Variants in LRP1 observed in about 807,000 individuals in gnomAD.
LRP1 encodes prolow-density lipoprotein receptor-related protein 1.
A neutral mutation model predicts 541.5 loss-of-function variants in LRP1; 51 were observed. The observed-to-expected ratio is 0.09, with a 90% confidence interval of 0.08 to 0.12. The LOEUF (loss-of-function observed/expected upper bound fraction) is 0.12, where lower values mean the gene tolerates loss of function less well. Ranked by LOEUF, LRP1 falls within the 10% of genes least tolerant of loss-of-function variation. The pLI is 1.00. For synonymous variants in LRP1, 2,219 were observed against 2,470.8 expected (o/e 0.90, Z 3.02); for missense variants, 3,878 against 6,376.2 (o/e 0.61, Z 13.34).
rs763697333 is a variant in LRP1 at position 57,173,986 on chromosome 12, G to A, written c.3547+6G>A. On this transcript the variant is annotated splice_donor_region_variant and intron_variant, in intron 22 of 88. Transcript: ENST00000243077. This position sits in a 1 kb window ranked among gnomAD's most constrained non-coding sequence, Gnocchi z 4.7. ...AGATGAGGGCGAGCTCTGCGGTGAGGCCTGGTCCCAGGAGAAGGGTAGGGA... is the reference window on the plus strand; with the variant it reads ...AGATGAGGGCGAGCTCTGCGGTGAGACCTGGTCCCAGGAGAAGGGTAGGGA... 4 of 1,613,720 alleles carry A rather than the reference G, an allele frequency of 2.5e-6. No individual in the cohort carries two copies. In the South Asian group the frequency reaches 4.4e-5, roughly 18 times the overall value.
chr12:57,191,798 T>C (rs2036390495), intron 44 of LRP1, among the ~76,000 whole-genome samples: 6 of 36,686 alleles, frequency 1.6e-4, no homozygotes, highest in African/African-American at 3.2e-4. Context: ...ACACCACACA[T>C]ATCACATGCA....
In LRP1 at chr12:57,185,335, G is replaced by A. The variant is rs756064391; in HGVS notation, c.6463+130G>A. The A allele has an allele frequency of 4.3e-6, 6 of 1,408,870 alleles. No individual in the cohort carries two copies. Among genetic ancestry groups the A allele is most frequent in the African/African-American group, 1.4e-5 (1 of 70,038 alleles). 87.3% of individuals were successfully genotyped at this position (1,408,870 alleles called of 1,614,324 possible). On this transcript the variant is annotated intron_variant, in intron 40 of 88. Transcript: ENST00000243077. This position sits in a 1 kb window ranked among gnomAD's most constrained non-coding sequence, Gnocchi z 4.9. Reference sequence around the variant, plus strand: ...CCCATGGGGCAACTTCCGATGGCCCGAGAGACCCAGGGATGGGGAGGAAAG... The same window carrying A: ...CCCATGGGGCAACTTCCGATGGCCCAAGAGACCCAGGGATGGGGAGGAAAG...
At chr12:57,175,372 G>T in intron 22 of LRP1, 88 bp from the exon 23 acceptor site, 1 of 1,520,106 alleles carries the variant, frequency 6.6e-7, no homozygotes, top group Non-Finnish European at 9.0e-7. Context: ...GGTCCAGGCT[G>T]CCCAGGACTT....
In LRP1 at chr12:57,156,482, G is replaced by T. The variant is rs1316036764; in HGVS notation, c.1417+199G>T. 6.6e-6 allele frequency among the ~76,000 whole-genome samples: 1 copy of T among 152,150 alleles called. No individual in the cohort carries two copies. The highest frequency in any genetic ancestry group is 1.5e-5 in the Non-Finnish European group (1 of 68,020). ...CTGCCAGCCCCCATCCACCCACTCA[G>T]CCTCCAGATCCCACTCTGTCCCTCC... is the stretch of plus-strand genomic sequence containing the variant. On this transcript the variant is annotated intron_variant, in intron 9 of 88. Transcript: ENST00000243077. The surrounding 1 kb of genome is among the most constrained non-coding windows in gnomAD (Gnocchi z 5.2).
At position 57,189,847 on chromosome 12, in the gene LRP1, G is replaced by A. The variant is rs188571756; in HGVS notation, c.7032-958G>A. On this transcript the variant is annotated intron_variant, in intron 42 of 88. Coordinates refer to ENST00000243077, the MANE Select transcript of LRP1 (RefSeq NM_002332.3). The surrounding 1 kb of genome is among the most constrained non-coding windows in gnomAD (Gnocchi z 4.4). ...AAGAGAATGTGGAGTCCCCTGCCCC[G>A]CCCTGGGCCTAGCTGAGTGACAAGC... Among the ~76,000 whole-genome samples the A allele has an allele frequency of 8.5e-3, 1,291 of 152,180 alleles. 12 individuals carry two copies. Among genetic ancestry groups the A allele is most frequent in the Non-Finnish European group, 0.01 (697 of 67,992 alleles).
At position 57,201,265 on chromosome 12, in the gene LRP1, AC is replaced by A. The variant is rs2036648582; in HGVS notation, c.10345+113del. On this transcript the variant is annotated intron_variant, in intron 65 of 88. Coordinates refer to ENST00000243077, the MANE Select transcript of LRP1 (RefSeq NM_002332.3). The surrounding 1 kb of genome is among the most constrained non-coding windows in gnomAD (Gnocchi z 6.4). ...CTCAAATAACTTTAGTAGATGGGCA[AC>A]ACAAATTATATTGGGTGTAACTTGC... is the stretch of plus-strand genomic sequence containing the variant. 1 of 1,506,032 alleles carries A rather than the reference AC, an allele frequency of 6.6e-7. No individual in the cohort carries two copies. Among genetic ancestry groups the A allele is most frequent in the Non-Finnish European group, 9.1e-7 (1 of 1,099,638 alleles). 93.3% of individuals were successfully genotyped at this position (1,506,032 alleles called of 1,614,324 possible).
At chr12:57,161,248 T>A (rs561837499) in intron 13 of LRP1, 133 bp downstream of exon 13, 1 of 762,030 alleles carries the variant, frequency 1.3e-6, no homozygotes, top group African/African-American at 1.7e-5. Flanking sequence ...GATGTGTGCA[T>A]CTATTTTTCT....
At position 57,162,979 on chromosome 12, in the gene LRP1, CT is replaced by C; in HGVS notation, c.2528del (p.Leu843TrpfsTer137). 6.2e-7 allele frequency: 1 copy of C among 1,600,750 alleles called. No individual in the cohort carries two copies. ...QVLDADGVTC[L>X]ANPSYVPPPQ... is the part of the protein sequence containing the mutation. ...TGTTGGACGCAGACGGCGTCACTTG[CT>C]TGGGTATGAGGTGCCTGGCTGGGTG... On this transcript the variant is annotated frameshift_variant, in exon 15 of 89. Coordinates refer to ENST00000243077, the MANE Select transcript of LRP1 (RefSeq NM_002332.3). LOFTEE classifies it high-confidence loss of function. This position sits in a 1 kb window ranked among gnomAD's most constrained non-coding sequence, Gnocchi z 5.2.
chr12:57,141,548 T>C (rs768066026), intron 3 of LRP1, 37 bp downstream of exon 3: 6 of 1,613,378 alleles, frequency 3.7e-6, no homozygotes, highest in Non-Finnish European at 5.1e-6. Flanking sequence ...CCCGTCTGGA[T>C]GCAGCATATT....
chr12:57,177,354 T>C lies in LRP1; in HGVS notation c.4197-73T>C. ...GTGCCATCTGCCTCCTCCCACCCTC[T>C]ACCTACGATCCCACCACAGTCGCTC... On this transcript the variant is annotated intron_variant, in intron 25 of 88. Transcript: ENST00000243077. The surrounding 1 kb of genome is among the most constrained non-coding windows in gnomAD (Gnocchi z 6.8). 1 of 1,558,762 alleles carries C rather than the reference T, an allele frequency of 6.4e-7. No individual in the cohort carries two copies. The highest frequency in any genetic ancestry group is 8.7e-7 in the Non-Finnish European group (1 of 1,144,062).
chr12:57,184,001 C>G lies in LRP1; in HGVS notation c.5930-84C>G. The stretch of plus-strand genomic sequence containing the variant: ...GAGTTGGCGGGAGCAGGAAGAGGAG[C>G]TGTAGGGGTGCCTGGGAGCTTGGAG... On this transcript the variant is annotated intron_variant, in intron 36 of 88. Coordinates refer to ENST00000243077, the MANE Select transcript of LRP1 (RefSeq NM_002332.3). This position sits in a 1 kb window ranked among gnomAD's most constrained non-coding sequence, Gnocchi z 7.8. The G allele has an allele frequency of 6.2e-7, 1 of 1,602,104 alleles. No homozygotes were observed. The highest frequency in any genetic ancestry group is 1.1e-5 in the South Asian group (1 of 89,624).
At chr12:57,208,586 G>A in intron 77 of LRP1, 125 bp from the exon 78 acceptor site, 1 of 631,912 alleles carries the variant, frequency 1.6e-6, no homozygotes, top group South Asian at 1.9e-5. Flanking sequence ...CTCTGTAGAA[G>A]GACAGAATGC....
chr12:57,136,888 G>A (rs1324109202), intron 1 of LRP1, among the ~76,000 whole-genome samples: 1 of 152,170 alleles, frequency 6.6e-6, no homozygotes, highest in Non-Finnish European at 1.5e-5. Context: ...AATTAAATAT[G>A]ATGATACATG....
intron 18 of LRP1, 61 bp downstream of exon 18, chr12:57,167,107 G>A (rs1259055003): frequency 1.4e-6 from 2 of 1,421,572 alleles, no homozygotes; most frequent in African/African-American, 1.4e-5. Flanking sequence ...CTGAGAGCAT[G>A]CCAGTTGGGG....
intron 22 of LRP1, among the ~76,000 whole-genome samples, chr12:57,175,161 C>G (rs934265409): frequency 6.6e-6 from 1 of 152,088 alleles, no homozygotes; most frequent in African/African-American, 2.4e-5. Context: ...CGCCCTGGGC[C>G]CAAGAAGGCA....
chr12:57,150,374 G>A (rs894043895), intron 6 of LRP1, among the ~76,000 whole-genome samples: 1 of 151,906 alleles, frequency 6.6e-6, no homozygotes, highest in African/African-American at 2.4e-5. Context: ...TGTGTTTTTA[G>A]TAGAGACAGA....
At chr12:57,135,417 C>T (rs2035137109) in intron 1 of LRP1, among the ~76,000 whole-genome samples, 1 of 152,184 alleles carries the variant, frequency 6.6e-6, no homozygotes, top group South Asian at 2.1e-4. Flanking sequence ...TATAAGGGTC[C>T]TACCCCGCTC....
chr12:57,192,584 C>T (rs577065284), intron 44 of LRP1, among the ~76,000 whole-genome samples: 1 of 152,190 alleles, frequency 6.6e-6, no homozygotes, highest in Non-Finnish European at 1.5e-5. Flanking sequence ...TCGAATCTCT[C>T]AGAAACACTC....
Position 57,183,765 on chromosome 12 carries a change from C to G in LRP1, c.5795-10C>G. 6.2e-7 allele frequency: 1 copy of G among 1,613,732 alleles called. No homozygotes were observed. Among genetic ancestry groups the G allele is most frequent in the Non-Finnish European group, 8.5e-7 (1 of 1,180,032 alleles). ...ATTGGGCATCCCCATGTCACCTCCT[C>G]CACCTCCAGAAAATGACACCATCTA... On this transcript the variant is annotated splice_polypyrimidine_tract_variant and intron_variant, in intron 35 of 88. Transcript: ENST00000243077. This position sits in a 1 kb window ranked among gnomAD's most constrained non-coding sequence, Gnocchi z 6.1.
Sources: gnomAD v4.1 joint callset for allele counts (sites outside exome capture counted in the v4.1 genomes callset) on GRCh38, gnomAD v4.1.1 for gene constraint, Gnocchi (gnomAD v3.1) non-coding constraint, MANE v1.5 for transcripts, NCBI Gene and HGNC (gene_info 2026-07-23, HGNC 2026-07-21) for gene names.